Variants in MUC21 observed in about 807,000 individuals in gnomAD.
MUC21 encodes mucin 21, cell surface associated, also known as mucin-21.
Under a neutral mutation model 9.1 loss-of-function variants are expected in MUC21, and 8 were observed. That is an observed-to-expected ratio of 0.88 (90% CI 0.52 to 1.59). The LOEUF (loss-of-function observed/expected upper bound fraction) is 1.59. Among genes scored for constraint, MUC21 ranks in the 40% most tolerant of loss-of-function variants. The pLI, the probability that MUC21 is intolerant of heterozygous loss-of-function variation, is 0.00. For missense variants in MUC21, 478 were observed against 694.2 expected, an observed-to-expected ratio of 0.69 and a Z score of 3.50; for synonymous variants, 189 against 275.2, an observed-to-expected ratio of 0.69 and a Z score of 3.10.
In MUC21 at chr6:30,989,812, T is replaced by C. The variant is rs560488226; in HGVS notation, c.*1618T>C. On this transcript the variant is annotated 3_prime_UTR_variant, in exon 3 of 3. Coordinates refer to ENST00000376296, the MANE Select transcript of MUC21 (RefSeq NM_001010909.5). ...AAGCTTACTCTAGAAAGGATATTTT[T>C]TGGAGAGGGAGTGTGGGAATCCACC... is the stretch of plus-strand genomic sequence containing the variant. The C allele has an allele frequency of 6.6e-5, 10 of 152,378 alleles. 1 individual carries two copies. In the East Asian group the frequency reaches 1.9e-3, roughly 29 times the overall value. The allele number at this position is 152,378 out of a possible 1,614,324, so 9.4% of individuals were successfully genotyped here.
intron 2 of MUC21, 47 bp downstream of exon 2, chr6:30,987,728 A>G (rs772126988): frequency 6.3e-7 from 1 of 1,589,888 alleles, no homozygotes; most frequent in South Asian, 1.1e-5. Flanking sequence ...GGAGCAGCAG[A>G]AACACAAGGA....
chr6:30,985,111 G>T (rs528989912), intron 1 of MUC21, among the ~76,000 whole-genome samples: 2 of 151,864 alleles, frequency 1.3e-5, no homozygotes, highest in Non-Finnish European at 2.9e-5. Flanking sequence ...AGCTTCCCAC[G>T]TACAGGCTGG....
intron 1 of MUC21, among the ~76,000 whole-genome samples, chr6:30,985,361 T>C (rs982944297): frequency 1.6e-4 from 24 of 152,192 alleles, no homozygotes; most frequent in African/African-American, 5.8e-4. Context: ...TGGCTTCTTG[T>C]TGTACATGCA....
chr6:30,986,364 A>G lies in MUC21; in HGVS notation c.189A>G (p.Ser63=), dbSNP rs771058174. 2 of 1,435,794 alleles carry G rather than the reference A, an allele frequency of 1.4e-6. No homozygotes were observed. Among genetic ancestry groups the G allele is most frequent in the Non-Finnish European group, 1.9e-6 (2 of 1,070,240 alleles). The allele number at this position is 1,435,794 out of a possible 1,614,324, so 88.9% of individuals were successfully genotyped here. The change falls in exon 2 of 3, where the codon TCA becomes TCG. Residue 63 remains serine (S), a synonymous_variant. Coordinates refer to ENST00000376296, the MANE Select transcript of MUC21 (RefSeq NM_001010909.5). The part of the protein sequence containing the change: ...TSSGVSTATI[S]GSSVTSNGVS... ...GTGGGGTCAGCACAGCCACCATCTC[A>G]GGGTCCAGCGTGACCTCCAATGGGG...
chr6:30,984,907 G>A (rs1001805226), intron 1 of MUC21, among the ~76,000 whole-genome samples: 6 of 151,800 alleles, frequency 4.0e-5, no homozygotes, highest in South Asian at 2.1e-4. Flanking sequence ...CGTGGGAGGC[G>A]GATGTTGCAG....
chr6:30,986,518 A>G lies in MUC21; in HGVS notation c.343A>G (p.Ser115Gly), dbSNP rs200007931. The stretch of plus-strand genomic sequence containing the variant: ...CAACTCTGAGTCCAGCACAACCTCC[A>G]GTGGGGCCAGCACAGCCACCAACTC... Reference protein sequence around the residue: ...ATNSESSTTSSGASTATNSES... With the variant: ...ATNSESSTTSGGASTATNSES... Residue 115 changes from serine to glycine, a missense_variant, in exon 2 of 3, where the codon AGT (serine) becomes GGT (glycine). Physicochemically the swap from Ser to Gly is moderately conservative, Grantham distance 56. Transcript: ENST00000376296. 1.2e-6 allele frequency: 2 copies of G among 1,601,830 alleles called. No individual in the cohort carries two copies. Among genetic ancestry groups the G allele is most frequent in the African/African-American group, 1.4e-5 (1 of 74,002 alleles).
chr6:30,986,696 C>A lies in MUC21; in HGVS notation c.521C>A (p.Ser174Tyr). ...TATNSESSTT[S>Y]SGASTATNSE... ...ACCAACTCTGAGTCCAGCACAACCTCCAGTGGGGCCAGCACAGCCACCAAC... is the reference window on the plus strand; with the variant it reads ...ACCAACTCTGAGTCCAGCACAACCTACAGTGGGGCCAGCACAGCCACCAAC... Residue 174 changes from serine (S) to tyrosine (Y), a missense_variant, in exon 2 of 3, where the codon TCC (serine) becomes TAC (tyrosine). Ser to Tyr is a moderately radical substitution (Grantham distance 144, BLOSUM62 -2). Transcript: ENST00000376296. The A allele has an allele frequency of 1.3e-6, 2 of 1,588,034 alleles. No homozygotes were observed. Among genetic ancestry groups the A allele is most frequent in the Non-Finnish European group, 1.7e-6 (2 of 1,164,538 alleles).
intron 1 of MUC21, among the ~76,000 whole-genome samples, chr6:30,985,039 T>C (rs1762192167): frequency 6.7e-6 from 1 of 150,246 alleles, no homozygotes; most frequent in South Asian, 2.1e-4. Context: ...TAAAATAAAA[T>C]ACCACTCTTC....
chr6:30,984,553 C>A (rs551687231), intron 1 of MUC21, among the ~76,000 whole-genome samples: 24 of 152,258 alleles, frequency 1.6e-4, no homozygotes, highest in African/African-American at 5.3e-4. Context: ...CCCTGTACTC[C>A]CAGCTACTCA....
At position 30,986,471 on chromosome 6, in the gene MUC21, C is replaced by T. The variant is rs377715414; in HGVS notation, c.296C>T (p.Ser99Phe). The stretch of plus-strand genomic sequence containing the variant: ...ACCAACTCTGAGTTCAGCACAGTGT[C>T]CAGTGGGATCAGCATAGCCACCAAC... ...TATNSEFSTVSSGISIATNSE... is the reference protein window; with the variant it reads ...TATNSEFSTVFSGISIATNSE... Residue 99 changes from serine to phenylalanine, a missense_variant, in exon 2 of 3, where the codon TCC becomes TTC. Coordinates refer to ENST00000376296, the MANE Select transcript of MUC21 (RefSeq NM_001010909.5). 11 of 1,600,012 alleles carry T rather than the reference C, an allele frequency of 6.9e-6. No individual in the cohort carries two copies. In the African/African-American group the frequency reaches 1.3e-4, roughly 20 times the overall value.
At position 30,989,598 on chromosome 6, in the gene MUC21, G is replaced by A. The variant is rs943046427; in HGVS notation, c.*1404G>A. On this transcript the variant is annotated 3_prime_UTR_variant, in exon 3 of 3. Coordinates refer to ENST00000376296, the MANE Select transcript of MUC21 (RefSeq NM_001010909.5). ...CCCAAAATGCTGAGATTACAGGTGT[G>A]AGCCACTGCACCTCGCCAGATGTCC... 1.3e-5 allele frequency: 2 copies of A among 152,288 alleles called. No homozygotes were observed. Among genetic ancestry groups the A allele is most frequent in the Admixed American group, 6.5e-5 (1 of 15,280 alleles). The allele number at this position is 152,288 out of a possible 1,614,324, so 9.4% of individuals were successfully genotyped here.
rs1762469028 is a variant in MUC21, at chr6:30,988,155, G to GA, written c.1663dup (p.Ile555AsnfsTer49). The GA allele has an allele frequency of 1.2e-6, 2 of 1,612,774 alleles. No individual in the cohort carries two copies. Among genetic ancestry groups the GA allele is most frequent in the Non-Finnish European group, 1.7e-6 (2 of 1,179,994 alleles). ...GGTTCTGGAGGAGACCAGTATCCTC[G>GA]ATAGCCATGGAGATGAGCGGGAGGA... On this transcript the variant is annotated frameshift_variant, in exon 3 of 3. Coordinates refer to ENST00000376296, the MANE Select transcript of MUC21 (RefSeq NM_001010909.5). LOFTEE classifies it low-confidence loss of function (END_TRUNC).
At position 30,988,289 on chromosome 6, in the gene MUC21, C is replaced by T; in HGVS notation, c.*95C>T. 1 of 1,222,556 alleles carries T rather than the reference C, an allele frequency of 8.2e-7. No individual in the cohort carries two copies. Among genetic ancestry groups the T allele is most frequent in the Non-Finnish European group, 1.1e-6 (1 of 895,934 alleles). The allele number at this position is 1,222,556 out of a possible 1,614,324, so 75.7% of individuals were successfully genotyped here. A position where few individuals can be genotyped will look rare whatever the true frequency, so the allele number is the denominator to read the frequency against. The stretch of plus-strand genomic sequence containing the variant: ...TTCATTCATCCCAGGAGACCCCTCC[C>T]AGCTTTGTTTGAGATCCTGAAAATC... On this transcript the variant is annotated 3_prime_UTR_variant, in exon 3 of 3. Transcript: ENST00000376296.
At chr6:30,984,574 G>A (rs1762169256) in intron 1 of MUC21, among the ~76,000 whole-genome samples, 1 of 152,184 alleles carries the variant, frequency 6.6e-6, no homozygotes, top group African/African-American at 2.4e-5. Flanking sequence ...GGAGGCTGAG[G>A]CAGGAAAATC....
chr6:30,986,420 C>A lies in MUC21; in HGVS notation c.245C>A (p.Thr82Lys). ...ATAGTCACCAACTCTGAGTTCCATA[C>A]AACCTCCAGTGGGATCAGCACAGCC... ...VSIVTNSEFH[T>K]TSSGISTATN... The change falls in exon 2 of 3, where the codon ACA becomes AAA. Residue 82 changes from threonine to lysine, a missense_variant. This residue lies in a region of MUC21 where 110 missense variants were observed against 108.3 expected (regional missense o/e 1.02). Transcript: ENST00000376296. The A allele has an allele frequency of 1.2e-6, 2 of 1,613,426 alleles. No individual in the cohort carries two copies. The highest frequency in any genetic ancestry group is 1.7e-6 in the Non-Finnish European group (2 of 1,179,722).
chr6:30,988,978 A>T lies in MUC21; in HGVS notation c.*784A>T, dbSNP rs892254924. ...CGAATCTTCCAAGAGGCTCTTGCAA[A>T]GACCCGAGATTCTCATAAATCCCCG... On this transcript the variant is annotated 3_prime_UTR_variant, in exon 3 of 3. Transcript: ENST00000376296. 6.6e-6 allele frequency: 1 copy of T among 152,172 alleles called. No individual in the cohort carries two copies. Among genetic ancestry groups the T allele is most frequent in the African/African-American group, 2.4e-5 (1 of 41,416 alleles). The allele number at this position is 152,172 out of a possible 1,614,324, so 9.4% of individuals were successfully genotyped here. A position where few individuals can be genotyped will look rare whatever the true frequency, so the allele number is the denominator to read the frequency against.
chr6:30,987,134 C>CTGCAGGCTCTGGAA lies in MUC21; in HGVS notation c.959_960insTGCAGGCTCTGGAA (p.Ser321AlafsTer127), dbSNP rs1762375064. 1.3e-6 allele frequency: 2 copies of CTGCAGGCTCTGGAA among 1,595,748 alleles called. No homozygotes were observed. Among genetic ancestry groups the CTGCAGGCTCTGGAA allele is most frequent in the Admixed American group, 1.7e-5 (1 of 58,924 alleles). ...GCCAACACAGCCACCAACTCTGACT[C>CTGCAGGCTCTGGAA]CAGCACAACCTCCAGTGGGGCCAGC... On this transcript the variant is annotated frameshift_variant, in exon 2 of 3. Coordinates refer to ENST00000376296, the MANE Select transcript of MUC21 (RefSeq NM_001010909.5). LOFTEE classifies it high-confidence loss of function.
chr6:30,986,906 A>T lies in MUC21; in HGVS notation c.731A>T (p.Glu244Val). Residue 244 changes from glutamate (E) to valine (V), a missense_variant, in exon 2 of 3, where the codon GAG (glutamate) becomes GTG (valine). Glu to Val is a moderately radical substitution (Grantham distance 121, BLOSUM62 -2). Coordinates refer to ENST00000376296, the MANE Select transcript of MUC21 (RefSeq NM_001010909.5). ...GGGGCCAGCACAGCCACCAACTCTG[A>T]GTCCAGCACACCCTCCAGTGGGGCC... is the stretch of plus-strand genomic sequence containing the variant. ...SSGASTATNS[E>V]SSTPSSGAGT... The T allele has an allele frequency of 1.3e-6, 2 of 1,568,334 alleles. No individual in the cohort carries two copies. The highest frequency in any genetic ancestry group is 8.7e-7 in the Non-Finnish European group (1 of 1,154,514).
intron 1 of MUC21, among the ~76,000 whole-genome samples, chr6:30,984,698 G>A (rs1267087670): frequency 6.6e-6 from 1 of 151,860 alleles, no homozygotes; most frequent in African/African-American, 2.4e-5. Context: ...AATAAGGCCA[G>A]GCTCAGTGGC....
Sources: allele counts gnomAD v4.1 joint callset (sites outside exome capture counted in the v4.1 genomes callset), GRCh38; gene constraint gnomAD v4.1.1; regional missense constraint gnomAD v4.1.1; transcripts MANE v1.5; gene names NCBI Gene and HGNC (gene_info 2026-07-23, HGNC 2026-07-21).